Variants in SOX5 observed in about 807,000 individuals in gnomAD.
SOX5 encodes transcription factor SOX-5.
SOX5 carries 9 observed loss-of-function variants against 92.0 expected under a neutral mutation model. The ratio of observed to expected loss-of-function variants is 0.10; its 90% CI spans 0.06 to 0.17. SOX5 has a LOEUF of 0.17. SOX5 is among the 10% of genes least tolerant of loss of function. The pLI is 1.00. For synonymous variants in SOX5, 344 were observed against 336.3 expected (o/e 1.02, Z -0.25); for missense variants, 642 against 944.5 (o/e 0.68, Z 4.20).
intron 1 of SOX5, among the ~76,000 whole-genome samples, chr12:24,545,502 T>C (rs1040192587): frequency 6.3e-4 from 95 of 151,978 alleles, no homozygotes; most frequent in African/African-American, 2.2e-3. Context: ...AAAGGTTTTC[T>C]TCTCAAAAAA....
intron 6 of SOX5, among the ~76,000 whole-genome samples, chr12:23,723,566 T>TTATATA (rs10679589): frequency 0.41 from 59,287 of 144,204 alleles, 13,083 homozygotes; most frequent in East Asian, 0.72. Context: ...AGGAGAAAAA[T>TTATATA]TATATATATA....
intron 1 of SOX5, among the ~76,000 whole-genome samples, chr12:24,410,131 G>A (rs912926656): frequency 4.6e-5 from 7 of 151,940 alleles, no homozygotes; most frequent in African/African-American, 1.7e-4. Context: ...CCACATAGCT[G>A]GGACTACAGG....
chr12:23,841,816 G>T (rs1422720921), intron 3 of SOX5, among the ~76,000 whole-genome samples: 3 of 152,060 alleles, frequency 2.0e-5, no homozygotes, highest in African/African-American at 7.2e-5. Flanking sequence ...GGTGAAACAG[G>T]ATAGTTTGGA....
chr12:23,751,067 C>A (rs1301824165), intron 4 of SOX5, among the ~76,000 whole-genome samples: 1 of 151,890 alleles, frequency 6.6e-6, no homozygotes, highest in Non-Finnish European at 1.5e-5. Context: ...AAACATTACT[C>A]ATAAGCAACT....
At chr12:23,928,408 T>A (rs1940566758) in intron 1 of SOX5, among the ~76,000 whole-genome samples, 1 of 152,024 alleles carries the variant, frequency 6.6e-6, no homozygotes, top group African/African-American at 2.4e-5. Flanking sequence ...AACTCTTTAA[T>A]ATTAAAGCCC....
chr12:24,396,211 G>A (rs902408890), intron 1 of SOX5, among the ~76,000 whole-genome samples: 2 of 152,194 alleles, frequency 1.3e-5, no homozygotes, highest in African/African-American at 4.8e-5. Context: ...TGCCCTCTGA[G>A]GGTAAGGCTT....
At chr12:24,257,719 G>A in intron 3 of SOX5, among the ~76,000 whole-genome samples, 1 of 151,824 alleles carries the variant, frequency 6.6e-6, no homozygotes, top group East Asian at 2.0e-4. Flanking sequence ...TGCCCACCTT[G>A]GCCTCCCAAA....
chr12:24,523,851 T>C (rs1268967446), intron 1 of SOX5, among the ~76,000 whole-genome samples: 1 of 152,186 alleles, frequency 6.6e-6, no homozygotes, highest in Non-Finnish European at 1.5e-5. Flanking sequence ...TTCATGGATA[T>C]GACACCAAAA....
chr12:24,225,132 T>TA (rs1470939885), intron 3 of SOX5, among the ~76,000 whole-genome samples: 2 of 152,234 alleles, frequency 1.3e-5, no homozygotes, highest in Non-Finnish European at 2.9e-5. Flanking sequence ...ATCAAAAGTA[T>TA]AAACCTCATT....
chr12:24,513,087 G>A (rs1227609272), intron 1 of SOX5, among the ~76,000 whole-genome samples: 2 of 152,168 alleles, frequency 1.3e-5, no homozygotes, highest in African/African-American at 2.4e-5. Flanking sequence ...GCAGTGAGCC[G>A]CAGCTCCCAG....
At chr12:23,844,548 C>T (rs900770620) in intron 3 of SOX5, among the ~76,000 whole-genome samples, 1 of 151,940 alleles carries the variant, frequency 6.6e-6, no homozygotes, top group Non-Finnish European at 1.5e-5. Flanking sequence ...TCAAAAATAT[C>T]AAAAAAATTC....
intron 4 of SOX5, among the ~76,000 whole-genome samples, chr12:23,965,839 G>C (rs1947494766): frequency 6.6e-6 from 1 of 151,922 alleles, no homozygotes; most frequent in South Asian, 2.1e-4. Context: ...GGCTGGTCTT[G>C]AACTCCTGAC....
At chr12:24,102,206 G>C (rs570703157) in intron 4 of SOX5, among the ~76,000 whole-genome samples, 1 of 152,222 alleles carries the variant, frequency 6.6e-6, no homozygotes, top group Admixed American at 6.5e-5. Context: ...TAACTACATA[G>C]TACAACAAAT....
At chr12:23,904,220 T>C (rs2097266778) in intron 1 of SOX5, among the ~76,000 whole-genome samples, 1 of 152,162 alleles carries the variant, frequency 6.6e-6, no homozygotes, top group African/African-American at 2.4e-5. Context: ...CATGCAGTCT[T>C]TCAAACTTTT....
At chr12:24,261,148 T>A (rs1210841566) in intron 3 of SOX5, among the ~76,000 whole-genome samples, 1 of 150,276 alleles carries the variant, frequency 6.7e-6, no homozygotes, top group Non-Finnish European at 1.5e-5. Flanking sequence ...TGTAAAAGAA[T>A]AAGAAATACT....
At chr12:24,123,037 A>G (rs1187346720) in intron 4 of SOX5, among the ~76,000 whole-genome samples, 2 of 152,254 alleles carry the variant, frequency 1.3e-5, no homozygotes, top group East Asian at 3.9e-4. Context: ...AGTTAAAATC[A>G]TTTCTGAAGG....
At chr12:24,526,607 C>T (rs889552135) in intron 1 of SOX5, among the ~76,000 whole-genome samples, 5 of 152,034 alleles carry the variant, frequency 3.3e-5, no homozygotes, top group East Asian at 1.9e-4. Context: ...ATAACAAAAG[C>T]GCAAGAAGAA....
At chr12:23,997,668 G>T (rs1234373417) in intron 4 of SOX5, among the ~76,000 whole-genome samples, 1 of 152,122 alleles carries the variant, frequency 6.6e-6, no homozygotes, top group African/African-American at 2.4e-5. Context: ...AACTTTCAAT[G>T]TGTTTCTCAA....
chr12:23,615,976 T>C (rs1566369025), intron 8 of SOX5, among the ~76,000 whole-genome samples: 1 of 152,152 alleles, frequency 6.6e-6, no homozygotes, highest in African/African-American at 2.4e-5. Context: ...AGGTAATACA[T>C]ATAGATAGTT....
Sources: gnomAD v4.1 joint callset for allele counts (sites outside exome capture counted in the v4.1 genomes callset) on GRCh38, gnomAD v4.1.1 for gene constraint, MANE v1.5 for transcripts, NCBI Gene and HGNC (gene_info 2026-07-23, HGNC 2026-07-21) for gene names.